Variants in EIF4G3 observed in about 807,000 individuals in gnomAD.
EIF4G3 encodes the protein eukaryotic translation initiation factor 4 gamma 3, also known as eIF-4-gamma 3.
A neutral mutation model predicts 186.4 loss-of-function variants in EIF4G3; 34 were observed. That is an observed-to-expected ratio of 0.18 (90% CI 0.14 to 0.24). The LOEUF (loss-of-function observed/expected upper bound fraction) is 0.24, where lower values mean the gene tolerates loss of function less well. EIF4G3 is among the 10% of genes least tolerant of loss of function. The pLI is 1.00. For missense variants in EIF4G3, 1,536 were observed against 1,948.5 expected, an observed-to-expected ratio of 0.79 and a Z score of 3.99; for synonymous variants, 673 against 679.5, an observed-to-expected ratio of 0.99 and a Z score of 0.15.
chr1:21,086,324 A>G (rs2095978873), intron 3 of EIF4G3, among the ~76,000 whole-genome samples: 1 of 149,016 alleles, frequency 6.7e-6, no homozygotes, highest in Non-Finnish European at 1.5e-5. Context: ...CTCAGCCTCC[A>G]AAGTACATGG....
chr1:20,925,668 C>T (rs749290233), intron 14 of EIF4G3, among the ~76,000 whole-genome samples: 9 of 152,126 alleles, frequency 5.9e-5, no homozygotes, highest in African/African-American at 1.7e-4. Context: ...TGAGTATCTG[C>T]GACTACAGGC....
At chr1:20,978,744 G>A (rs1036996144) in intron 10 of EIF4G3, among the ~76,000 whole-genome samples, 17 of 151,924 alleles carry the variant, frequency 1.1e-4, no homozygotes, top group African/African-American at 4.1e-4. Flanking sequence ...TGCCCACTGG[G>A]GGTCTTGGAA....
intron 2 of EIF4G3, among the ~76,000 whole-genome samples, chr1:21,131,657 C>T (rs769872290): frequency 6.6e-6 from 1 of 152,066 alleles, no homozygotes; most frequent in African/African-American, 2.4e-5. Flanking sequence ...AGAAGCAATA[C>T]GAGTCAGAAA....
chr1:21,129,066 C>G (rs7556221), intron 2 of EIF4G3, among the ~76,000 whole-genome samples: 65,405 of 151,702 alleles, frequency 0.43, 14,463 homozygotes, highest in Non-Finnish European at 0.47. Context: ...TGTAATCCCA[C>G]AATTTTGGGA....
At chr1:20,988,608 A>C (rs2080145320) in intron 7 of EIF4G3, among the ~76,000 whole-genome samples, 1 of 152,154 alleles carries the variant, frequency 6.6e-6, no homozygotes, top group Non-Finnish European at 1.5e-5. Flanking sequence ...TTTGCTGGCT[A>C]TTTTAAGGCC....
chr1:21,137,334 C>T (rs10916942), intron 2 of EIF4G3, among the ~76,000 whole-genome samples: 1 of 151,822 alleles, frequency 6.6e-6, no homozygotes, highest in Admixed American at 6.6e-5. Flanking sequence ...TTTGTAGAGA[C>T]GAGGTCTCAC....
chr1:20,873,796 T>C (rs1289835923), intron 20 of EIF4G3, among the ~76,000 whole-genome samples: 19 of 150,168 alleles, frequency 1.3e-4, no homozygotes, highest in Non-Finnish European at 1.5e-5. Context: ...TGTGCCATGG[T>C]GGTTTGCTAT....
At chr1:20,880,082 T>C (rs1342424296) in intron 19 of EIF4G3, among the ~76,000 whole-genome samples, 1 of 151,576 alleles carries the variant, frequency 6.6e-6, no homozygotes, top group Non-Finnish European at 1.5e-5. Flanking sequence ...GATATACAAC[T>C]CCACTTAAAG....
chr1:20,970,070 T>G (rs1273002631), intron 11 of EIF4G3, among the ~76,000 whole-genome samples: 1 of 152,094 alleles, frequency 6.6e-6, no homozygotes, highest in Non-Finnish European at 1.5e-5. Flanking sequence ...TTCAAGCGAT[T>G]CTCGTGCCTC....
chr1:20,981,183 C>T lies in EIF4G3; in HGVS notation c.243G>A (p.Pro81=), dbSNP rs1380979753. The change falls in exon 9 of 37, where the codon CCG becomes CCA. Residue 81 remains proline (P), a synonymous_variant. Transcript: ENST00000602326. ...CAGGACGAATGGAAGGACTGCTGTT[C>T]GGGATGGTAGCTCTAGGAGGCTGTA... ...PQIQPPRATI[P]NSSPSIRPGA... The T allele has an allele frequency of 9.9e-6, 16 of 1,612,194 alleles. No individual in the cohort carries two copies. The highest frequency in any genetic ancestry group is 1.7e-4 in the Middle Eastern group (1 of 6,054).
intron 12 of EIF4G3, among the ~76,000 whole-genome samples, chr1:20,959,093 T>C (rs967463853): frequency 2.6e-5 from 4 of 151,828 alleles, no homozygotes; most frequent in African/African-American, 9.7e-5. Context: ...GCCAAAGCAA[T>C]CCTAGGCAAA....
At chr1:21,131,331 A>T (rs2097149619) in intron 2 of EIF4G3, among the ~76,000 whole-genome samples, 1 of 151,676 alleles carries the variant, frequency 6.6e-6, no homozygotes, top group Non-Finnish European at 1.5e-5. Flanking sequence ...GAAAAAAAAA[A>T]AAGAGGTTCC....
chr1:21,172,491 T>C (rs1274479466), intron 2 of EIF4G3, among the ~76,000 whole-genome samples: 2 of 152,190 alleles, frequency 1.3e-5, no homozygotes, highest in Non-Finnish European at 2.9e-5. Flanking sequence ...AATGAATTCA[T>C]AAACTTGCCA....
At chr1:20,934,756 T>TTTGA (rs1421328517) in intron 14 of EIF4G3, among the ~76,000 whole-genome samples, 4 of 152,026 alleles carry the variant, frequency 2.6e-5, no homozygotes, top group Non-Finnish European at 5.9e-5. Flanking sequence ...ATTCAAGGGT[T>TTTGA]TTGATAGGTA....
rs2098119789 is a variant in EIF4G3 at position 21,176,733 on chromosome 1, A to G, written c.-467T>C. The G allele has an allele frequency of 1.4e-6, 1 of 694,552 alleles. No homozygotes were observed. The highest frequency in any genetic ancestry group is 2.6e-6 in the Non-Finnish European group (1 of 381,562). The allele number at this position is 694,552 out of a possible 1,614,324, so 43.0% of individuals were successfully genotyped here. On this transcript the variant is annotated 5_prime_UTR_variant, in exon 1 of 37. Coordinates refer to ENST00000602326, the MANE Select transcript of EIF4G3 (RefSeq NM_001391906.1). ...CGGAGAGACCGGACCTTTCACGGCA[A>G]TATCCTCATGGGCCGGCGGCGGGGG...
At chr1:21,021,095 T>C (rs1199828302) in intron 4 of EIF4G3, among the ~76,000 whole-genome samples, 1 of 152,216 alleles carries the variant, frequency 6.6e-6, no homozygotes, top group African/African-American at 2.4e-5. Context: ...GCCATCCTCA[T>C]ACTTCAGCCT....
intron 3 of EIF4G3, among the ~76,000 whole-genome samples, chr1:21,069,592 G>A (rs748381176): frequency 6.6e-6 from 1 of 152,146 alleles, no homozygotes; most frequent in Non-Finnish European, 1.5e-5. Flanking sequence ...TTAGTCCCCT[G>A]GAAAAGCAAG....
At chr1:21,002,938 T>A (rs938945699) in intron 4 of EIF4G3, 130 bp from the exon 5 acceptor site, 3 of 517,324 alleles carry the variant, frequency 5.8e-6, no homozygotes, top group African/African-American at 4.0e-5. Flanking sequence ...TTTAAAAATT[T>A]AACTTTATTA....
At chr1:20,882,214 C>CACACACACACAA (rs903651739) in intron 19 of EIF4G3, among the ~76,000 whole-genome samples, 1 of 60,254 alleles carries the variant, frequency 1.7e-5, no homozygotes, top group East Asian at 6.9e-4. Flanking sequence ...CACACACACA[C>CACACACACACAA]AAAATCATTT....
Sources: allele counts gnomAD v4.1 joint callset (sites outside exome capture counted in the v4.1 genomes callset), GRCh38; gene constraint gnomAD v4.1.1; transcripts MANE v1.5; gene names NCBI Gene and HGNC (gene_info 2026-07-23, HGNC 2026-07-21).